The following NRXN3 variants were observed in gnomAD, a reference collection of about 807,000 sequenced individuals.
The protein encoded by NRXN3 is neurexin III.
In NRXN3, 32 loss-of-function variants were observed where a neutral mutation model predicts 137.6. The observed-to-expected ratio is 0.23, with a 90% CI of 0.18 to 0.31. The LOEUF is 0.31. Ranked by LOEUF, NRXN3 falls within the 10% of genes least tolerant of loss-of-function variation. NRXN3 has a pLI of 1.00. For missense variants in NRXN3, 1,574 were observed against 2,062.5 expected, an observed-to-expected ratio of 0.76 and a Z score of 4.59; for synonymous variants, 798 against 784.5, an observed-to-expected ratio of 1.02 and a Z score of -0.29.
chr14:78,683,845 G>T lies in NRXN3; in HGVS notation c.1222-25372G>T, dbSNP rs564899502. Among the ~76,000 whole-genome samples the T allele has an allele frequency of 4.7e-4, 71 of 152,232 alleles. 1 individual carries two copies. Among genetic ancestry groups the T allele is most frequent in the Non-Finnish European group, 9.3e-4 (63 of 68,018 alleles). The stretch of plus-strand genomic sequence containing the variant: ...TGTCGTGACTTACTTCATAATTTAT[G>T]ATATGTTAAAATTTCCAAATTTTCT... On this transcript the variant is annotated intron_variant, in intron 6 of 20. Coordinates refer to ENST00000335750, the MANE Select transcript of NRXN3 (RefSeq NM_001330195.2).
chr14:79,060,514 A>C (rs1449092318), intron 15 of NRXN3, among the ~76,000 whole-genome samples: 1 of 152,138 alleles, frequency 6.6e-6, no homozygotes, highest in African/African-American at 2.4e-5. Flanking sequence ...TACTTCTCTG[A>C]CTATGTATGT....
chr14:79,512,087 T>C (rs1601467733), intron 16 of NRXN3, among the ~76,000 whole-genome samples: 1 of 152,090 alleles, frequency 6.6e-6, no homozygotes, highest in Non-Finnish European at 1.5e-5. Flanking sequence ...TTAGTAGAGA[T>C]GGGGTTTCAC....
intron 15 of NRXN3, among the ~76,000 whole-genome samples, chr14:79,079,007 T>C (rs1210561829): frequency 6.6e-6 from 1 of 152,198 alleles, no homozygotes. Flanking sequence ...TATTTCTCCT[T>C]GAGTCAACAT....
intron 15 of NRXN3, among the ~76,000 whole-genome samples, chr14:79,147,993 C>T (rs555493914): frequency 3.9e-5 from 6 of 152,174 alleles, no homozygotes; most frequent in African/African-American, 1.4e-4. Flanking sequence ...CTTCTACTTT[C>T]CTGTCTCCAG....
chr14:78,337,363 C>G (rs1172553105), intron 4 of NRXN3, among the ~76,000 whole-genome samples: 1 of 152,072 alleles, frequency 6.6e-6, no homozygotes, highest in Non-Finnish European at 1.5e-5. Flanking sequence ...GCTCACTTAT[C>G]CTAGTTATGG....
At chr14:79,377,159 G>A (rs976541428) in intron 15 of NRXN3, among the ~76,000 whole-genome samples, 1 of 152,162 alleles carries the variant, frequency 6.6e-6, no homozygotes, top group African/African-American at 2.4e-5. Context: ...AGAAGAGATA[G>A]GAACATATGT....
At chr14:78,453,046 A>G (rs1277820874) in intron 4 of NRXN3, among the ~76,000 whole-genome samples, 1 of 152,222 alleles carries the variant, frequency 6.6e-6, no homozygotes, top group Non-Finnish European at 1.5e-5. Flanking sequence ...CAAGCCTTCA[A>G]TAGACCAAGT....
chr14:78,304,199 C>T (rs889886562), intron 4 of NRXN3, among the ~76,000 whole-genome samples: 1 of 152,182 alleles, frequency 6.6e-6, no homozygotes, highest in African/African-American at 2.4e-5. Context: ...TCCCTCCTCA[C>T]TAAGGCCTTC....
chr14:79,297,025 T>A (rs1232090886), intron 15 of NRXN3, among the ~76,000 whole-genome samples: 1 of 152,188 alleles, frequency 6.6e-6, no homozygotes, highest in Non-Finnish European at 1.5e-5. Context: ...AGACTTGCCT[T>A]TGCTTATCCT....
intron 15 of NRXN3, chr14:79,072,179 A>G (rs1235391556): frequency 6.6e-6 from 1 of 152,204 alleles, no homozygotes; most frequent in Non-Finnish European, 1.5e-5. Context: ...AGACCAATGC[A>G]GATACCTAGG....
intron 15 of NRXN3, among the ~76,000 whole-genome samples, chr14:79,460,675 G>A (rs74617510): frequency 0.027 from 4,037 of 152,200 alleles, 186 homozygotes; most frequent in African/African-American, 0.092. Context: ...GCTTTCATGC[G>A]ATTTAGTTTT....
chr14:78,608,697 T>C (rs148036523), intron 4 of NRXN3, among the ~76,000 whole-genome samples: 8 of 152,310 alleles, frequency 5.3e-5, no homozygotes, highest in Admixed American at 2.0e-4. Flanking sequence ...TTAATGACAA[T>C]GCACAATGTT....
intron 4 of NRXN3, among the ~76,000 whole-genome samples, chr14:78,436,719 C>T (rs146054497): frequency 6.6e-6 from 1 of 152,292 alleles, no homozygotes; most frequent in Non-Finnish European, 1.5e-5. Context: ...CAGTATTGGA[C>T]AACACAGTTA....
chr14:79,029,422 C>G (rs1463944370), intron 15 of NRXN3, among the ~76,000 whole-genome samples: 1 of 152,098 alleles, frequency 6.6e-6, no homozygotes, highest in Non-Finnish European at 1.5e-5. Context: ...TGCCCCGACA[C>G]CCAAAAGTCA....
At position 79,214,672 on chromosome 14, in the gene NRXN3, T is replaced by A. The variant is rs545004519; in HGVS notation, c.3262+226531T>A. On this transcript the variant is annotated intron_variant, in intron 15 of 20. Transcript: ENST00000335750. The stretch of plus-strand genomic sequence containing the variant: ...ATCTGGATGTGGATCCAGCTGAATA[T>A]AATTTCTTCCTAGTTCTATGAATAG... Among the ~76,000 whole-genome samples, 4 of 152,270 alleles carry A rather than the reference T, an allele frequency of 2.6e-5. No individual in the cohort carries two copies. In the South Asian group the frequency reaches 8.3e-4, roughly 32 times the overall value.
chr14:79,497,536 T>C (rs1428447440), intron 16 of NRXN3, among the ~76,000 whole-genome samples: 1 of 152,182 alleles, frequency 6.6e-6, no homozygotes, highest in Non-Finnish European at 1.5e-5. Flanking sequence ...GCCTTACTTT[T>C]TCCCACAGAT....
intron 20 of NRXN3, among the ~76,000 whole-genome samples, chr14:79,857,569 AC>A (rs2099405486): frequency 7.1e-6 from 1 of 141,392 alleles, no homozygotes; most frequent in Non-Finnish European, 1.5e-5. Flanking sequence ...GAAATACATC[AC>A]TTTCTCCTCT....
At position 78,996,260 on chromosome 14, in the gene NRXN3, A is replaced by G. The variant is rs369042259; in HGVS notation, c.3262+8119A>G. On this transcript the variant is annotated intron_variant, in intron 15 of 20. Transcript: ENST00000335750. ...CTGAATTCATTGTCATTTAAACCCC[A>G]CGGCAACCCTAAAAGTAGATACTAT... Among the ~76,000 whole-genome samples, 60 of 152,210 alleles carry G rather than the reference A, an allele frequency of 3.9e-4. No individual in the cohort carries two copies. The East Asian group carries it at 8.1e-3, about 21-fold the overall frequency.
At chr14:79,601,961 A>G (rs2097927677) in intron 16 of NRXN3, among the ~76,000 whole-genome samples, 1 of 149,254 alleles carries the variant, frequency 6.7e-6, no homozygotes. Context: ...CAATGGACCA[A>G]TATTATGAAT....
Sources: allele counts gnomAD v4.1 joint callset (sites outside exome capture counted in the v4.1 genomes callset), GRCh38; gene constraint gnomAD v4.1.1; transcripts MANE v1.5; gene names NCBI Gene and HGNC (gene_info 2026-07-23, HGNC 2026-07-21).